SNTG2: variants seen among roughly 807,000 people sequenced by gnomAD.
SNTG2 encodes syntrophin gamma 2.
A neutral mutation model predicts 70.9 loss-of-function variants in SNTG2; 74 were observed. The ratio of observed to expected loss-of-function variants is 1.04; its 90% confidence interval spans 0.86 to 1.27. SNTG2 has a LOEUF of 1.27. SNTG2 is among the 50% of genes most tolerant of loss of function. SNTG2 has a pLI of 0.00. For missense variants in SNTG2, 717 were observed against 690.7 expected, an observed-to-expected ratio of 1.04 and a Z score of -0.43; for synonymous variants, 278 against 273.8, an observed-to-expected ratio of 1.02 and a Z score of -0.15.
intron 1 of SNTG2, among the ~76,000 whole-genome samples, chr2:961,195 T>C (rs1382166883): frequency 6.6e-6 from 1 of 152,118 alleles, no homozygotes; most frequent in Non-Finnish European, 1.5e-5. Context: ...TTGAAACTAC[T>C]GTTAGATTTT....
intron 14 of SNTG2, among the ~76,000 whole-genome samples, chr2:1,291,219 G>A (rs1437279995): frequency 6.6e-6 from 1 of 152,048 alleles, no homozygotes; most frequent in African/African-American, 2.4e-5. Context: ...TTTTCTTCTG[G>A]TTCAGTTGTA....
At chr2:1,028,914 T>C (rs562554395) in intron 1 of SNTG2, among the ~76,000 whole-genome samples, 23 of 152,108 alleles carry the variant, frequency 1.5e-4, no homozygotes, top group African/African-American at 5.3e-4. Context: ...AGTTCTAGAG[T>C]CTAGAGTTTT....
chr2:1,325,626 G>A (rs775719213), intron 16 of SNTG2, among the ~76,000 whole-genome samples: 10 of 152,088 alleles, frequency 6.6e-5, no homozygotes, highest in African/African-American at 1.2e-4. Flanking sequence ...GTGATCCTTC[G>A]TTCATTTTGT....
At chr2:1,168,346 A>G (rs893809726) in intron 7 of SNTG2, among the ~76,000 whole-genome samples, 3 of 151,922 alleles carry the variant, frequency 2.0e-5, no homozygotes, top group East Asian at 1.9e-4. Flanking sequence ...GAACTAACAG[A>G]GCGCCCTGGA....
At chr2:1,241,797 G>T (rs1245713857) in intron 11 of SNTG2, among the ~76,000 whole-genome samples, 1 of 152,154 alleles carries the variant, frequency 6.6e-6, no homozygotes, top group Non-Finnish European at 1.5e-5. Context: ...TCATCTCAGT[G>T]AAATTCTCCC....
intron 1 of SNTG2, among the ~76,000 whole-genome samples, chr2:1,034,759 C>T (rs761819190): frequency 2.6e-5 from 4 of 152,046 alleles, no homozygotes; most frequent in Admixed American, 6.6e-5. Context: ...GTTAGATTCC[C>T]GCACAATAAT....
At chr2:1,040,325 T>A (rs1661364925) in intron 1 of SNTG2, among the ~76,000 whole-genome samples, 1 of 152,120 alleles carries the variant, frequency 6.6e-6, no homozygotes, top group Non-Finnish European at 1.5e-5. Context: ...TGAGAACCCC[T>A]TCTCTGGCCC....
intron 14 of SNTG2, among the ~76,000 whole-genome samples, chr2:1,307,361 G>A (rs911210026): frequency 1.3e-5 from 2 of 150,152 alleles, no homozygotes; most frequent in African/African-American, 4.9e-5. Flanking sequence ...CACTCTGTAT[G>A]TGTGTGTGTA....
At chr2:1,317,099 C>T (rs369656426) in intron 16 of SNTG2, among the ~76,000 whole-genome samples, 6 of 78,368 alleles carry the variant, frequency 7.7e-5, no homozygotes, top group East Asian at 3.5e-4. Context: ...TAGCATCAGG[C>T]CAGCATTGGA....
chr2:1,218,464 C>T (rs552511811), intron 9 of SNTG2, among the ~76,000 whole-genome samples: 4 of 152,338 alleles, frequency 2.6e-5, no homozygotes, highest in South Asian at 4.1e-4. Flanking sequence ...AGAAATTCAT[C>T]CTTTTAAAAC....
chr2:1,091,242 A>G (rs7586779), intron 2 of SNTG2, among the ~76,000 whole-genome samples: 144,234 of 152,156 alleles, frequency 0.95, 68,760 homozygotes, highest in Non-Finnish European at 1. Context: ...CCTGCTCCTC[A>G]TCACCTGCCC....
At chr2:1,250,598 G>A (rs542063365) in intron 12 of SNTG2, among the ~76,000 whole-genome samples, 3 of 149,862 alleles carry the variant, frequency 2.0e-5, no homozygotes, top group Non-Finnish European at 4.4e-5. Flanking sequence ...GTCTCTCTCT[G>A]TCTGACTCTA....
rs116219167 is a variant in SNTG2, at chr2:1,297,288, G to A, written c.1285-11206G>A. Among the ~76,000 whole-genome samples the A allele has an allele frequency of 4.5e-3, 685 of 152,332 alleles. 6 individuals are homozygous for A. The highest frequency in any genetic ancestry group is 0.015 in the African/African-American group (643 of 41,568). On this transcript the variant is annotated intron_variant, in intron 14 of 16. Transcript: ENST00000308624. ...GGTGGAGGATCCAGGCTGAACTTCA[G>A]TGCATGCAGTACACATTCATGTAAA...
chr2:997,659 T>C (rs1661732009), intron 1 of SNTG2, among the ~76,000 whole-genome samples: 1 of 152,136 alleles, frequency 6.6e-6, no homozygotes, highest in African/African-American at 2.4e-5. Flanking sequence ...CATTTCTACA[T>C]AGTGTGGTCT....
At chr2:988,154 C>G (rs1164061017) in intron 1 of SNTG2, among the ~76,000 whole-genome samples, 1 of 152,226 alleles carries the variant, frequency 6.6e-6, no homozygotes, top group Non-Finnish European at 1.5e-5. Context: ...GGAAACAAGG[C>G]TTTCTTGGGA....
At chr2:951,690 A>G (rs1659970504) in intron 1 of SNTG2, among the ~76,000 whole-genome samples, 1 of 152,248 alleles carries the variant, frequency 6.6e-6, no homozygotes, top group African/African-American at 2.4e-5. Context: ...ATTGATTGAC[A>G]GAAAACAGAA....
chr2:1,076,489 T>A (rs991874504), intron 1 of SNTG2, among the ~76,000 whole-genome samples: 1 of 152,208 alleles, frequency 6.6e-6, no homozygotes, highest in Non-Finnish European at 1.5e-5. Context: ...TACATTTTTG[T>A]CACACTTTGA....
chr2:1,039,634 G>A (rs758055087), intron 1 of SNTG2, among the ~76,000 whole-genome samples: 4 of 152,090 alleles, frequency 2.6e-5, no homozygotes, highest in South Asian at 2.1e-4. Flanking sequence ...GGTATGGTAC[G>A]GCATGATCAT....
At chr2:1,125,287 A>T (rs1667630434) in intron 4 of SNTG2, among the ~76,000 whole-genome samples, 1 of 152,112 alleles carries the variant, frequency 6.6e-6, no homozygotes, top group South Asian at 2.1e-4. Context: ...TTAAAACTTC[A>T]TTTCTTCATT....
Sources: allele counts gnomAD v4.1 joint callset (sites outside exome capture counted in the v4.1 genomes callset), GRCh38; gene constraint gnomAD v4.1.1; transcripts MANE v1.5; gene names NCBI Gene and HGNC (gene_info 2026-07-23, HGNC 2026-07-21).